The following ASAP1 variants were observed in gnomAD, a reference collection of about 807,000 sequenced individuals.
The protein encoded by ASAP1 is arf-GAP with SH3 domain, ANK repeat and PH domain-containing protein 1.
In ASAP1, 43 loss-of-function variants were observed where a neutral mutation model predicts 145.2. The observed-to-expected ratio is 0.30, with a 90% CI of 0.23 to 0.38. The LOEUF is 0.38. Among genes scored for constraint, ASAP1 ranks in the 10% least tolerant of loss-of-function variants. ASAP1 has a pLI of 1.00. For synonymous variants in ASAP1, 546 were observed against 515.5 expected (o/e 1.06, Z -0.80); for missense variants, 1,018 against 1,355.3 (o/e 0.75, Z 3.91).
intron 19 of ASAP1, 99 bp downstream of exon 19, chr8:130,118,390 G>T: frequency 1.4e-6 from 2 of 1,386,560 alleles, no homozygotes; most frequent in Non-Finnish European, 9.9e-7. Flanking sequence ...GCCACCCAAT[G>T]TATAAGAATC....
intron 3 of ASAP1, among the ~76,000 whole-genome samples, chr8:130,316,587 G>C (rs1344780729): frequency 1.3e-5 from 2 of 152,238 alleles, no homozygotes; most frequent in Non-Finnish European, 2.9e-5. Flanking sequence ...AGCTGGGAAA[G>C]CCCAATTTTG....
In ASAP1 at chr8:130,326,224, C is replaced by T. The variant is rs138859919; in HGVS notation, c.186+31793G>A. Among the ~76,000 whole-genome samples the T allele has an allele frequency of 9.9e-5, 15 of 152,246 alleles. No individual in the cohort carries two copies. The East Asian group carries it at 2.1e-3, about 22-fold the overall frequency. On this transcript the variant is annotated intron_variant, in intron 3 of 29. Transcript: ENST00000518721. ...AGCGCATATCCTTACTGCTGGAGAC[C>T]GACAAATGAGAGAAGTCCCAGCATG...
At chr8:130,348,311 T>C (rs980150681) in intron 3 of ASAP1, among the ~76,000 whole-genome samples, 1 of 152,212 alleles carries the variant, frequency 6.6e-6, no homozygotes, top group Non-Finnish European at 1.5e-5. Flanking sequence ...TAATAGTTGG[T>C]GCCAAAATGC....
chr8:130,406,300 C>T (rs1210175331), intron 1 of ASAP1, among the ~76,000 whole-genome samples: 2 of 152,102 alleles, frequency 1.3e-5, no homozygotes, highest in Non-Finnish European at 2.9e-5. Context: ...GGGTCACCCA[C>T]ATCCAGTACT....
intron 2 of ASAP1, among the ~76,000 whole-genome samples, chr8:130,401,576 G>A (rs764440583): frequency 3.9e-5 from 6 of 152,094 alleles, no homozygotes. Context: ...AAAACACAGT[G>A]GACTCCTATA....
intron 5 of ASAP1, among the ~76,000 whole-genome samples, chr8:130,208,953 G>T (rs1164520333): frequency 6.6e-6 from 1 of 152,056 alleles, no homozygotes; most frequent in South Asian, 2.1e-4. Context: ...CAGACAAAAG[G>T]ACTAGAAAGA....
At chr8:130,260,506 GAGAGGTTCAATGACTTGCC>G (rs1361567503) in intron 3 of ASAP1, among the ~76,000 whole-genome samples, 1 of 152,196 alleles carries the variant, frequency 6.6e-6, no homozygotes, top group Non-Finnish European at 1.5e-5. Flanking sequence ...CTGAAATCCT[GAGAGGTTCAATGACTTGCC>G]TAAGTTCACA....
chr8:130,130,752 G>T (rs369067119), intron 15 of ASAP1, among the ~76,000 whole-genome samples: 2 of 152,064 alleles, frequency 1.3e-5, no homozygotes, highest in South Asian at 4.1e-4. Flanking sequence ...TCTGCCTAAG[G>T]TTAAAAAGCC....
chr8:130,055,170 C>G (rs61019864), intron 29 of ASAP1, among the ~76,000 whole-genome samples: 1 of 152,132 alleles, frequency 6.6e-6, no homozygotes, highest in East Asian at 1.9e-4. Context: ...AGTCCTTGCT[C>G]TGAACCAGGG....
chr8:130,079,771 G>C (rs1414755027), intron 26 of ASAP1, 131 bp downstream of exon 26: 2 of 854,652 alleles, frequency 2.3e-6, no homozygotes, highest in Non-Finnish European at 3.8e-6. Flanking sequence ...CTGGTTTCTT[G>C]TTGTGGCCTG....
At chr8:130,066,770 G>T (rs1163927669) in intron 27 of ASAP1, among the ~76,000 whole-genome samples, 1 of 152,188 alleles carries the variant, frequency 6.6e-6, no homozygotes, top group African/African-American at 2.4e-5. Flanking sequence ...TGCCCTCAGA[G>T]AACTTCCGTA....
At position 130,062,158 on chromosome 8, in the gene ASAP1, A is replaced by G. The variant is rs1335576563; in HGVS notation, c.2702-1089T>C. On this transcript the variant is annotated intron_variant, in intron 27 of 29. Transcript: ENST00000518721. ...ACAGTATTACATTCCTGTTTTACTCATTTTTGTAACTTTGGCTCCTGGCAC... is the reference window on the plus strand; with the variant it reads ...ACAGTATTACATTCCTGTTTTACTCGTTTTTGTAACTTTGGCTCCTGGCAC... Among the ~76,000 whole-genome samples the G allele has an allele frequency of 2.6e-5, 4 of 152,154 alleles. No individual in the cohort carries two copies. The East Asian group carries it at 7.7e-4, about 29-fold the overall frequency.
intron 2 of ASAP1, among the ~76,000 whole-genome samples, chr8:130,397,734 T>C (rs1270534255): frequency 6.6e-6 from 1 of 152,242 alleles, no homozygotes; most frequent in Admixed American, 6.5e-5. Context: ...AAGGGGTTGG[T>C]TGAGAAGCAC....
chr8:130,400,234 C>T (rs1259945984), intron 2 of ASAP1, among the ~76,000 whole-genome samples: 3 of 152,178 alleles, frequency 2.0e-5, no homozygotes, highest in Admixed American at 1.3e-4. Context: ...GAAACCCTGG[C>T]CCCAACAGGT....
At chr8:130,385,149 TGGTC>T (rs1827952926) in intron 2 of ASAP1, among the ~76,000 whole-genome samples, 2 of 152,104 alleles carry the variant, frequency 1.3e-5, no homozygotes, top group Non-Finnish European at 2.9e-5. Flanking sequence ...TGCTAGCTGG[TGGTC>T]GCTTGAGGTT....
In ASAP1 at chr8:130,118,145, A is replaced by G; in HGVS notation, c.1880+16T>C. 6.2e-7 allele frequency: 1 copy of G among 1,609,756 alleles called. No homozygotes were observed. Among genetic ancestry groups the G allele is most frequent in the Non-Finnish European group, 8.5e-7 (1 of 1,176,608 alleles). On this transcript the variant is annotated intron_variant, in intron 20 of 29. Transcript: ENST00000518721. ...GGCATATTCAGGTAATTCAACAGAG[A>G]AAACAAAAACGATACCAGTTTTGTA...
chr8:130,287,239 T>C (rs1821671184), intron 3 of ASAP1, among the ~76,000 whole-genome samples: 1 of 152,136 alleles, frequency 6.6e-6, no homozygotes, highest in Admixed American at 6.5e-5. Flanking sequence ...AAATAATAGT[T>C]AGATGGATGA....
chr8:130,089,788 C>T (rs1432523367), intron 25 of ASAP1, among the ~76,000 whole-genome samples: 1 of 152,224 alleles, frequency 6.6e-6, no homozygotes, highest in Non-Finnish European at 1.5e-5. Flanking sequence ...GACAGTATAT[C>T]TCACATACAT....
chr8:130,138,197 A>C (rs2097599807), intron 13 of ASAP1, among the ~76,000 whole-genome samples: 1 of 152,180 alleles, frequency 6.6e-6, no homozygotes, highest in Non-Finnish European at 1.5e-5. Context: ...TCTCCTTCTA[A>C]ATAATGGGCA....
Sources: gnomAD v4.1 joint callset for allele counts (sites outside exome capture counted in the v4.1 genomes callset) on GRCh38, gnomAD v4.1.1 for gene constraint, MANE v1.5 for transcripts, NCBI Gene and HGNC (gene_info 2026-07-23, HGNC 2026-07-21) for gene names.